Variants in RIT2 observed in about 807,000 individuals in gnomAD.
RIT2 encodes the protein Ras like without CAAX 2, also known as GTP-binding protein Rit2.
RIT2 carries 24 observed loss-of-function variants against 23.7 expected under a neutral mutation model. The observed-to-expected ratio is 1.01, with a 90% CI of 0.73 to 1.43. The LOEUF is 1.43. Ranked by LOEUF, RIT2 falls within the 40% of genes most tolerant of loss-of-function variation. RIT2 has a pLI of 0.00. For missense variants in RIT2, 236 were observed against 266.9 expected (o/e 0.88, Z 0.81); for synonymous variants, 107 against 91.1 (o/e 1.17, Z -0.99).
At chr18:42,956,202 C>G (rs1303506440) in intron 3 of RIT2, among the ~76,000 whole-genome samples, 1 of 152,066 alleles carries the variant, frequency 6.6e-6, no homozygotes, top group Non-Finnish European at 1.5e-5. Flanking sequence ...TTCCTTAGCA[C>G]CAAAAGAGCA....
At chr18:42,909,797 T>A (rs1018887919) in intron 4 of RIT2, among the ~76,000 whole-genome samples, 1 of 151,368 alleles carries the variant, frequency 6.6e-6, no homozygotes, top group Non-Finnish European at 1.5e-5. Flanking sequence ...AAAAAAAAAA[T>A]TATAAAAGAT....
intron 1 of RIT2, among the ~76,000 whole-genome samples, chr18:43,068,257 T>C (rs1912816392): frequency 6.6e-6 from 1 of 152,100 alleles, no homozygotes. Flanking sequence ...ATGAGTAAAC[T>C]GAAGATTTTA....
At chr18:43,026,370 A>G (rs1050813332) in intron 2 of RIT2, among the ~76,000 whole-genome samples, 11 of 151,878 alleles carry the variant, frequency 7.2e-5, no homozygotes, top group African/African-American at 2.2e-4. Context: ...CCTGACCAAC[A>G]TGGTGAAACC....
intron 2 of RIT2, among the ~76,000 whole-genome samples, chr18:43,023,029 G>A (rs770363063): frequency 2.6e-5 from 4 of 152,014 alleles, no homozygotes; most frequent in Non-Finnish European, 4.4e-5. Context: ...CAATGCAGTC[G>A]TGAAAGATGT....
intron 4 of RIT2, among the ~76,000 whole-genome samples, chr18:42,886,087 G>T (rs1908015992): frequency 6.6e-6 from 1 of 152,108 alleles, no homozygotes; most frequent in Non-Finnish European, 1.5e-5. Context: ...GATGAATTGG[G>T]AAATAAAGGC....
chr18:43,097,926 A>G (rs1482104753), intron 1 of RIT2, among the ~76,000 whole-genome samples: 1 of 151,992 alleles, frequency 6.6e-6, no homozygotes, highest in African/African-American at 2.4e-5. Flanking sequence ...TGGATATTAA[A>G]AACTCCAACA....
chr18:43,090,572 A>G (rs1402849073), intron 1 of RIT2, among the ~76,000 whole-genome samples: 1 of 152,130 alleles, frequency 6.6e-6, no homozygotes, highest in Non-Finnish European at 1.5e-5. Context: ...ATGCACATGT[A>G]TGTTCCTTAC....
At chr18:43,073,612 C>T (rs1912946070) in intron 1 of RIT2, among the ~76,000 whole-genome samples, 1 of 152,116 alleles carries the variant, frequency 6.6e-6, no homozygotes, top group Non-Finnish European at 1.5e-5. Flanking sequence ...CCTCTTTAAA[C>T]ATGGATTCGC....
At chr18:42,755,905 TTC>T (rs1913151624) in intron 4 of RIT2, among the ~76,000 whole-genome samples, 1 of 152,152 alleles carries the variant, frequency 6.6e-6, no homozygotes. Flanking sequence ...GGTTCTCAGC[TTC>T]CTGAGACAGG....
rs542480854 is a variant in RIT2 at position 42,918,364 on chromosome 18, C to G, written c.426+5208G>C. On this transcript the variant is annotated intron_variant, in intron 4 of 4. Coordinates refer to ENST00000326695, the MANE Select transcript of RIT2 (RefSeq NM_002930.4). The stretch of plus-strand genomic sequence containing the variant: ...CTGTCTCAATTGGAGTTAATACATT[C>G]ACATTTATTTAATTTAATTAAATAA... Among the ~76,000 whole-genome samples the G allele has an allele frequency of 2.6e-3, 391 of 152,154 alleles. 1 individual carries two copies. The highest frequency in any genetic ancestry group is 8.9e-3 in the African/African-American group (369 of 41,532).
intron 4 of RIT2, among the ~76,000 whole-genome samples, chr18:42,877,832 A>C (rs1044635703): frequency 6.6e-6 from 1 of 151,800 alleles, no homozygotes; most frequent in Non-Finnish European, 1.5e-5. Flanking sequence ...CTAACTTCAG[A>C]TTATATGTAT....
At chr18:42,919,728 T>C (rs12966036) in intron 4 of RIT2, among the ~76,000 whole-genome samples, 69,934 of 151,520 alleles carry the variant, frequency 0.46, 21,012 homozygotes, top group Non-Finnish European at 0.68. Flanking sequence ...AAAAAAAAGT[T>C]TGTGGTCTGC....
chr18:43,059,488 G>T (rs559948874), intron 1 of RIT2, among the ~76,000 whole-genome samples: 2 of 152,172 alleles, frequency 1.3e-5, no homozygotes, highest in East Asian at 3.9e-4. Context: ...TGAGAAATTG[G>T]ACTAGTATAG....
chr18:43,072,331 C>G lies in RIT2; in HGVS notation c.104-38464G>C, dbSNP rs145422217. ...TCCTGAGCAGTTCACCAAGAAAATTCCAGAATTGGGATCTCTCTTCTAAGT... is the reference window on the plus strand; with the variant it reads ...TCCTGAGCAGTTCACCAAGAAAATTGCAGAATTGGGATCTCTCTTCTAAGT... On this transcript the variant is annotated intron_variant, in intron 1 of 4. Transcript: ENST00000326695. 2.0e-5 allele frequency among the ~76,000 whole-genome samples: 3 copies of G among 152,172 alleles called. No homozygotes were observed. The East Asian group carries it at 5.8e-4, about 29-fold the overall frequency.
chr18:42,852,136 T>A (rs559453831), intron 4 of RIT2, among the ~76,000 whole-genome samples: 1 of 152,332 alleles, frequency 6.6e-6, no homozygotes, highest in South Asian at 2.1e-4. Flanking sequence ...ATTAAGCCAT[T>A]AAGTCCTGAA....
intron 1 of RIT2, among the ~76,000 whole-genome samples, chr18:43,089,332 T>TA (rs1284190522): frequency 2.6e-5 from 4 of 151,548 alleles, no homozygotes; most frequent in Non-Finnish European, 5.9e-5. Flanking sequence ...ACAATTGCCA[T>TA]AAAAAAGAAT....
chr18:42,956,014 T>G (rs1315164351), intron 3 of RIT2, among the ~76,000 whole-genome samples: 1 of 152,182 alleles, frequency 6.6e-6, no homozygotes, highest in African/African-American at 2.4e-5. Flanking sequence ...GTTTATCACC[T>G]CGGGGTGCTT....
chr18:42,895,649 A>G (rs55707749), intron 4 of RIT2, among the ~76,000 whole-genome samples: 28,164 of 151,978 alleles, frequency 0.19, 2,814 homozygotes, highest in African/African-American at 0.26. Context: ...AACGGTTTTA[A>G]GTGAAATTCA....
At chr18:42,888,519 GT>G (rs139162530) in intron 4 of RIT2, among the ~76,000 whole-genome samples, 3,896 of 148,498 alleles carry the variant, frequency 0.026, 161 homozygotes, top group African/African-American at 0.089. Context: ...TCCAGCATCT[GT>G]TTTTTTTTTA....
Sources: gnomAD v4.1 joint callset for allele counts (sites outside exome capture counted in the v4.1 genomes callset) on GRCh38, gnomAD v4.1.1 for gene constraint, MANE v1.5 for transcripts, NCBI Gene and HGNC (gene_info 2026-07-23, HGNC 2026-07-21) for gene names.